ULK4: variants seen among roughly 807,000 people sequenced by gnomAD.
The protein encoded by ULK4 is unc-51 like kinase 4.
Under a neutral mutation model 160.6 loss-of-function variants are expected in ULK4, and 133 were observed. That is an observed-to-expected ratio of 0.83 (90% CI 0.72 to 0.96). The LOEUF is 0.96. ULK4 is among the 40% of genes least tolerant of loss of function. ULK4 has a pLI of 0.00. For synonymous variants in ULK4, 534 were observed against 539.8 expected (o/e 0.99, Z 0.15); for missense variants, 1,580 against 1,499.5 (o/e 1.05, Z -0.89).
chr3:41,395,906 G>A (rs1204776873), intron 35 of ULK4, among the ~76,000 whole-genome samples: 2 of 151,916 alleles, frequency 1.3e-5, no homozygotes, highest in African/African-American at 4.8e-5. Context: ...AAATCTACCC[G>A]GCCCTATAAG....
At chr3:41,697,167 AAGAT>A (rs2036530680) in intron 27 of ULK4, among the ~76,000 whole-genome samples, 1 of 152,206 alleles carries the variant, frequency 6.6e-6, no homozygotes, top group South Asian at 2.1e-4. Context: ...ACACCAATAA[AAGAT>A]AGAGATGCTT....
chr3:41,514,080 C>G (rs917817914), intron 32 of ULK4, among the ~76,000 whole-genome samples: 1 of 152,014 alleles, frequency 6.6e-6, no homozygotes. Flanking sequence ...GTAAATTTAT[C>G]CTGAACTAGA....
At chr3:41,728,770 T>C (rs6778124) in intron 22 of ULK4, among the ~76,000 whole-genome samples, 20,383 of 152,072 alleles carry the variant, frequency 0.13, 4,449 homozygotes, top group African/African-American at 0.46. Context: ...TTCTGGTAAA[T>C]GTGAATTAGG....
intron 32 of ULK4, among the ~76,000 whole-genome samples, chr3:41,536,555 C>T (rs2125946881): frequency 6.6e-6 from 1 of 152,212 alleles, no homozygotes; most frequent in East Asian, 1.9e-4. Context: ...ATAGTTAACA[C>T]ATTGTGGGTT....
At chr3:41,427,058 C>G (rs1023561975) in intron 34 of ULK4, among the ~76,000 whole-genome samples, 1 of 151,986 alleles carries the variant, frequency 6.6e-6, no homozygotes, top group African/African-American at 2.4e-5. Flanking sequence ...CAAATAGACA[C>G]AATAAAAAAT....
At position 41,866,653 on chromosome 3, in the gene ULK4, G is replaced by A. The variant is rs114957159; in HGVS notation, c.1656+17221C>T. ...ATAAACCAGTCCTGGTCCACAGCCC[G>A]GTTTGGGGACCCCTGTATTAATGTA... On this transcript the variant is annotated intron_variant, in intron 17 of 36. Transcript: ENST00000301831. Among the ~76,000 whole-genome samples the A allele has an allele frequency of 7.0e-3, 1,063 of 152,262 alleles. 10 individuals carry two copies. Among genetic ancestry groups the A allele is most frequent in the African/African-American group, 0.024 (998 of 41,554 alleles).
At chr3:41,684,809 A>G (rs1159203525) in intron 27 of ULK4, among the ~76,000 whole-genome samples, 2 of 152,230 alleles carry the variant, frequency 1.3e-5, no homozygotes, top group Non-Finnish European at 2.9e-5. Context: ...TATTGAAACT[A>G]ATTTCATCAT....
chr3:41,819,899 A>G (rs537677481), intron 18 of ULK4, among the ~76,000 whole-genome samples: 2 of 152,344 alleles, frequency 1.3e-5, no homozygotes, highest in South Asian at 4.1e-4. Flanking sequence ...TAGAAAACAC[A>G]AGTTTGAGTA....
intron 27 of ULK4, among the ~76,000 whole-genome samples, chr3:41,704,822 T>C (rs1012836788): frequency 2.0e-5 from 3 of 151,740 alleles, no homozygotes; most frequent in Non-Finnish European, 2.9e-5. Context: ...AAGAAGAAAG[T>C]AGGCTGAGGG....
chr3:41,778,002 G>A lies in ULK4; in HGVS notation c.2193+11659C>T, dbSNP rs895679252. On this transcript the variant is annotated intron_variant, in intron 21 of 36. Coordinates refer to ENST00000301831, the MANE Select transcript of ULK4 (RefSeq NM_017886.4). ...GGCCAGGGCAATCAGGCAGGAGAAG[G>A]AAATAAAGGGTATTCAATTAGGAAA... Among the ~76,000 whole-genome samples, 3 of 130,296 alleles carry A rather than the reference G, an allele frequency of 2.3e-5. 1 individual carries two copies. Among genetic ancestry groups the A allele is most frequent in the Non-Finnish European group, 4.8e-5 (3 of 62,162 alleles). The allele number at this position is 130,296 out of a possible 152,430, so 85.5% of individuals were successfully genotyped here. A position where few individuals can be genotyped will look rare whatever the true frequency, so the allele number is the denominator to read the frequency against.
intron 20 of ULK4, among the ~76,000 whole-genome samples, chr3:41,790,370 T>C (rs1447277100): frequency 6.6e-6 from 1 of 152,236 alleles, no homozygotes; most frequent in African/African-American, 2.4e-5. Context: ...AGCTAGTAAG[T>C]AGCAAAGCAG....
chr3:41,346,056 G>C (rs6764733), intron 35 of ULK4, among the ~76,000 whole-genome samples: 1 of 151,976 alleles, frequency 6.6e-6, no homozygotes, highest in Non-Finnish European at 1.5e-5. Flanking sequence ...GACAGGATGC[G>C]TGAGAGGCAA....
intron 12 of ULK4, among the ~76,000 whole-genome samples, chr3:41,902,606 C>T (rs1261466152): frequency 6.8e-6 from 1 of 146,998 alleles, no homozygotes; most frequent in East Asian, 2.0e-4. Context: ...AAAAAAAGGC[C>T]CACAAAGAAT....
chr3:41,619,012 A>T (rs2033116978), intron 30 of ULK4, among the ~76,000 whole-genome samples: 1 of 152,186 alleles, frequency 6.6e-6, no homozygotes. Context: ...TTAAACCAAC[A>T]AAGATCAAAA....
At chr3:41,271,853 A>G (rs1362796655) in intron 35 of ULK4, among the ~76,000 whole-genome samples, 3 of 152,136 alleles carry the variant, frequency 2.0e-5, no homozygotes. Flanking sequence ...ACATCATGGT[A>G]GTGTAGTTAC....
At chr3:41,858,228 G>T (rs1359204593) in intron 17 of ULK4, among the ~76,000 whole-genome samples, 3 of 131,464 alleles carry the variant, frequency 2.3e-5, no homozygotes, top group Non-Finnish European at 3.1e-5. Context: ...TTGGCTTACT[G>T]CAAGCCTCCA....
chr3:41,305,610 T>G (rs2079894887), intron 35 of ULK4, among the ~76,000 whole-genome samples: 1 of 152,286 alleles, frequency 6.6e-6, no homozygotes, highest in Admixed American at 6.5e-5. Context: ...CCTCCCAAAG[T>G]GCCGAGACTG....
intron 31 of ULK4, among the ~76,000 whole-genome samples, chr3:41,572,346 T>C (rs1232732412): frequency 2.0e-5 from 3 of 152,010 alleles, no homozygotes; most frequent in African/African-American, 4.8e-5. Flanking sequence ...GGGGTGAAAA[T>C]CTGAGAAACA....
intron 31 of ULK4, among the ~76,000 whole-genome samples, chr3:41,575,356 C>T (rs938301418): frequency 6.6e-6 from 1 of 152,154 alleles, no homozygotes; most frequent in Non-Finnish European, 1.5e-5. Flanking sequence ...AGGTAAACAG[C>T]CCCTCTGCCA....
Sources: gnomAD v4.1 joint callset for allele counts (sites outside exome capture counted in the v4.1 genomes callset) on GRCh38, gnomAD v4.1.1 for gene constraint, MANE v1.5 for transcripts, NCBI Gene and HGNC (gene_info 2026-07-23, HGNC 2026-07-21) for gene names.